Variants in NLRC4 observed in about 807,000 individuals in gnomAD.
NLRC4 encodes the protein NLR family CARD domain containing 4.
NLRC4 carries 63 observed loss-of-function variants against 79.9 expected under a neutral mutation model. The ratio of observed to expected loss-of-function variants is 0.79; its 90% confidence interval spans 0.64 to 0.97. The LOEUF (loss-of-function observed/expected upper bound fraction) is 0.97. Among genes scored for constraint, NLRC4 ranks in the 50% least tolerant of loss-of-function variants. NLRC4 has a pLI of 0.00. For synonymous variants in NLRC4, 461 were observed against 456.5 expected, an observed-to-expected ratio of 1.01 and a Z score of -0.12; for missense variants, 1,074 against 1,215.2, an observed-to-expected ratio of 0.88 and a Z score of 1.73.
intron 1 of NLRC4, among the ~76,000 whole-genome samples, chr2:32,262,925 A>G (rs1463739200): frequency 6.6e-6 from 1 of 151,140 alleles, no homozygotes; most frequent in African/African-American, 2.4e-5. Flanking sequence ...GGAAAATAAT[A>G]TAATAATATA....
At chr2:32,252,100 T>G (rs1392807818) in intron 3 of NLRC4, among the ~76,000 whole-genome samples, 1 of 152,216 alleles carries the variant, frequency 6.6e-6, no homozygotes, top group South Asian at 2.1e-4. Flanking sequence ...TAGGTAGATC[T>G]CATCCAACCA....
At chr2:32,262,880 G>C (rs1687384934) in intron 1 of NLRC4, among the ~76,000 whole-genome samples, 1 of 151,416 alleles carries the variant, frequency 6.6e-6, no homozygotes, top group Non-Finnish European at 1.5e-5. Context: ...TAACTGAATT[G>C]GGTGGAAGAA....
intron 1 of NLRC4, among the ~76,000 whole-genome samples, chr2:32,264,429 G>C (rs1329035877): frequency 8.3e-6 from 1 of 120,816 alleles, no homozygotes; most frequent in African/African-American, 3.2e-5. Flanking sequence ...GCAAGACTCT[G>C]TCTCAAAAAA....
Position 32,251,592 on chromosome 2 carries a change from T to C in NLRC4, c.272A>G (p.His91Arg), listed in dbSNP as rs1351575026. Residue 91 changes from histidine to arginine, a missense_variant, in exon 4 of 9, where the codon CAT (histidine) becomes CGT (arginine). His to Arg is a conservative substitution (Grantham distance 29). Coordinates refer to ENST00000402280, the MANE Select transcript of NLRC4 (RefSeq NM_001199138.2). ...GTCCAAGTCTCCTTCTGATGTCTGA[T>C]GAAAAAGACCTATTAGAGAAGAGGT... Reference protein sequence around the residue: ...FQDLNGQSLFHQTSEGDLDDL... With the variant: ...FQDLNGQSLFRQTSEGDLDDL... The C allele has an allele frequency of 6.3e-7, 1 of 1,591,056 alleles. No individual in the cohort carries two copies. The highest frequency in any genetic ancestry group is 1.8e-5 in the Admixed American group (1 of 56,314).
At chr2:32,252,099 C>G (rs929763948) in intron 3 of NLRC4, among the ~76,000 whole-genome samples, 2 of 152,202 alleles carry the variant, frequency 1.3e-5, no homozygotes, top group Non-Finnish European at 1.5e-5. Flanking sequence ...ATAGGTAGAT[C>G]TCATCCAACC....
At chr2:32,261,316 C>CCTTTT in intron 1 of NLRC4, among the ~76,000 whole-genome samples, 4 of 96,884 alleles carry the variant, frequency 4.1e-5, no homozygotes, top group Admixed American at 1.2e-4. Flanking sequence ...AGCCTCCCCC[C>CCTTTT]TTTTGTTTTT....
chr2:32,248,498 TAA>T (rs959408300), intron 4 of NLRC4, among the ~76,000 whole-genome samples: 3 of 152,214 alleles, frequency 2.0e-5, no homozygotes, highest in African/African-American at 4.8e-5. Context: ...AGGCAAAGGC[TAA>T]GTCATTCAGC....
chr2:32,265,166 T>A (rs761190311), upstream of NLRC4, among the ~76,000 whole-genome samples: 32 of 142,990 alleles, frequency 2.2e-4, no homozygotes, highest in Non-Finnish European at 3.2e-4. Context: ...CAACATATAT[T>A]TTTTTTCTTT....
At chr2:32,233,350 T>TATATATATATATATA (rs1491211096) in intron 8 of NLRC4, among the ~76,000 whole-genome samples, 26 of 24,374 alleles carry the variant, frequency 1.1e-3, no homozygotes, top group African/African-American at 2.5e-3. Flanking sequence ...TATATATATA[T>TATATATATATATATA]TTTTTTTTTT....
rs776992499 is a variant in NLRC4, at chr2:32,245,443, C to G, written c.2257+4164G>C. Among the ~76,000 whole-genome samples, 16 of 150,828 alleles carry G rather than the reference C, an allele frequency of 1.1e-4. 1 individual carries two copies. Among genetic ancestry groups the G allele is most frequent in the African/African-American group, 2.7e-4 (11 of 40,892 alleles). On this transcript the variant is annotated intron_variant, in intron 4 of 8. Coordinates refer to ENST00000402280, the MANE Select transcript of NLRC4 (RefSeq NM_001199138.2). ...CTAAAAATCAAAACAATTGAACTCACGGAGAGTAGAAGGATGGTTACCAGA... is the reference window on the plus strand; with the variant it reads ...CTAAAAATCAAAACAATTGAACTCAGGGAGAGTAGAAGGATGGTTACCAGA...
In NLRC4 at chr2:32,238,179, A is replaced by G. The variant is rs747331080; in HGVS notation, c.2474T>C (p.Ile825Thr). 9 of 1,613,648 alleles carry G rather than the reference A, an allele frequency of 5.6e-6. No individual in the cohort carries two copies. Among genetic ancestry groups the G allele is most frequent in the Non-Finnish European group, 7.6e-6 (9 of 1,179,912 alleles). Residue 825 changes from isoleucine (I) to threonine (T), a missense_variant, in exon 6 of 9, where the codon ATT (isoleucine) becomes ACT (threonine). Ile to Thr is a moderately conservative substitution (Grantham distance 89). Coordinates refer to ENST00000402280, the MANE Select transcript of NLRC4 (RefSeq NM_001199138.2). ...AGACAAGCAGCAGGAGACTAATTGA[A>G]TTTCTTCAAGGTCACAGGGTTCACT... Reference protein sequence around the residue: ...LSSEPCDLEEIQLVSCCLSAN... With the variant: ...LSSEPCDLEETQLVSCCLSAN...
intron 5 of NLRC4, among the ~76,000 whole-genome samples, chr2:32,238,963 A>G (rs1016684837): frequency 1.3e-5 from 2 of 152,144 alleles, no homozygotes; most frequent in African/African-American, 4.8e-5. Context: ...TCTTGATGGT[A>G]CTGTAGCCTA....
intron 3 of NLRC4, among the ~76,000 whole-genome samples, chr2:32,252,107 A>G (rs1449745754): frequency 6.6e-6 from 1 of 152,134 alleles, no homozygotes; most frequent in African/African-American, 2.4e-5. Context: ...ATCTCATCCA[A>G]CCAGGGAATG....
At chr2:32,233,337 A>T (rs1482958368) in intron 8 of NLRC4, among the ~76,000 whole-genome samples, 6 of 42,706 alleles carry the variant, frequency 1.4e-4, no homozygotes, top group East Asian at 8.3e-4. Flanking sequence ...ATATATATAT[A>T]TATATATATA....
chr2:32,253,964 CAA>C (rs71407436), intron 2 of NLRC4, among the ~76,000 whole-genome samples: 9 of 107,926 alleles, frequency 8.3e-5, no homozygotes, highest in Non-Finnish European at 3.6e-5. Flanking sequence ...AACTCTGTCT[CAA>C]AAAAAAAAAA....
chr2:32,236,314 T>C lies in NLRC4; in HGVS notation c.2547A>G (p.Lys849=). The C allele has an allele frequency of 6.2e-7, 1 of 1,608,216 alleles. No homozygotes were observed. Among genetic ancestry groups the C allele is most frequent in the Non-Finnish European group, 8.5e-7 (1 of 1,177,508 alleles). ...TTTCTGATAAATCAAGAATGCTCAGTTTGACCAAATTGTGAAGATTCTGAG... is the reference window on the plus strand; with the variant it reads ...TTTCTGATAAATCAAGAATGCTCAGCTTGACCAAATTGTGAAGATTCTGAG... ...ILAQNLHNLV[K]LSILDLSENY... Residue 849 remains lysine (K), a synonymous_variant, in exon 7 of 9, where the codon AAA becomes AAG. Coordinates refer to ENST00000402280, the MANE Select transcript of NLRC4 (RefSeq NM_001199138.2).
intron 5 of NLRC4, among the ~76,000 whole-genome samples, chr2:32,239,086 G>C (rs1686737131): frequency 6.6e-6 from 1 of 152,106 alleles, no homozygotes; most frequent in African/African-American, 2.4e-5. Flanking sequence ...TTCAAGACCA[G>C]CCTGTCCAAC....
chr2:32,246,278 G>A (rs1298968074), intron 4 of NLRC4, among the ~76,000 whole-genome samples: 1 of 152,192 alleles, frequency 6.6e-6, no homozygotes, highest in African/African-American at 2.4e-5. Context: ...TCAGCACATA[G>A]GTGATCACTT....
chr2:32,265,283 C>T (rs1383759555), upstream of NLRC4, among the ~76,000 whole-genome samples: 2 of 152,096 alleles, frequency 1.3e-5, no homozygotes, highest in African/African-American at 2.4e-5. Flanking sequence ...CGGGTTCAAG[C>T]GTTCCTCCCG....
Sources: gnomAD v4.1 joint callset for allele counts (sites outside exome capture counted in the v4.1 genomes callset) on GRCh38, gnomAD v4.1.1 for gene constraint, MANE v1.5 for transcripts, NCBI Gene and HGNC (gene_info 2026-07-23, HGNC 2026-07-21) for gene names.